The following B4GALNT2 variants were observed in gnomAD, a reference collection of about 807,000 sequenced individuals.
The protein encoded by B4GALNT2 is beta-1,4-N-acetyl-galactosaminyltransferase 2 (SID blood group).
In B4GALNT2, 42 loss-of-function variants were observed where a neutral mutation model predicts 51.1. The observed-to-expected ratio is 0.82, with a 90% CI of 0.64 to 1.06. B4GALNT2 has a LOEUF of 1.06. B4GALNT2 is among the 50% of genes least tolerant of loss of function. B4GALNT2 has a pLI of 0.00. For missense variants in B4GALNT2, 602 were observed against 633.6 expected (o/e 0.95, Z 0.54); for synonymous variants, 253 against 251.7 (o/e 1.01, Z -0.05).
At chr17:49,164,956 C>T (rs2042897882) in intron 8 of B4GALNT2, among the ~76,000 whole-genome samples, 1 of 152,056 alleles carries the variant, frequency 6.6e-6, no homozygotes, top group East Asian at 1.9e-4. Flanking sequence ...GGACTACAGG[C>T]ATGCACCATA....
At chr17:49,141,208 A>G (rs933376184) in intron 1 of B4GALNT2, 39 bp from the exon 2 acceptor site, 2 of 1,580,654 alleles carry the variant, frequency 1.3e-6, no homozygotes. Flanking sequence ...AATCAAGAAA[A>G]AAGATTTTAA....
At chr17:49,126,067 G>A in the B4GALNT2 span, among the ~76,000 whole-genome samples, 1 of 152,112 alleles carries the variant, frequency 6.6e-6, no homozygotes. Context: ...AGGGGGGAAA[G>A]GTGGGGAAAA....
chr17:49,172,128 C>A lies in B4GALNT2; in HGVS notation c.*2400C>A. 3.3e-6 allele frequency: 1 copy of A among 304,868 alleles called. No individual in the cohort carries two copies. The highest frequency in any genetic ancestry group is 1.2e-4 in the South Asian group (1 of 8,630). 18.9% of individuals were successfully genotyped at this position (304,868 alleles called of 1,614,324 possible). ...CCCACTTTCCTCAGGTTTTCTTCCA[C>A]CATCTGTGACAGCTTCTTGATCTGT... On this transcript the variant is annotated 3_prime_UTR_variant, in exon 11 of 11. Coordinates refer to ENST00000393354, the MANE Select transcript of B4GALNT2 (RefSeq NM_001159387.2).
chr17:49,127,637 TA>T (rs796221801), upstream of B4GALNT2, among the ~76,000 whole-genome samples: 17 of 151,368 alleles, frequency 1.1e-4, no homozygotes, highest in East Asian at 1.9e-4. Context: ...TTATAAGATT[TA>T]AAAAAAAAAA....
chr17:49,132,465 C>A, upstream of B4GALNT2: 1 of 321,976 alleles, frequency 3.1e-6, no homozygotes, highest in Non-Finnish European at 5.6e-6. Flanking sequence ...GGGTCAAGGC[C>A]GCGAGGTTGG....
chr17:49,157,212 G>C (rs2042818740), intron 5 of B4GALNT2, among the ~76,000 whole-genome samples: 1 of 152,128 alleles, frequency 6.6e-6, no homozygotes, highest in South Asian at 2.1e-4. Context: ...CCAGTCTGGA[G>C]TGCAGTGCCG....
chr17:49,152,759 C>A, intron 3 of B4GALNT2, 41 bp from the exon 4 acceptor site: 1 of 1,395,554 alleles, frequency 7.2e-7, no homozygotes, highest in South Asian at 1.3e-5. Flanking sequence ...CAGGGACCAG[C>A]ATCAGGGCAG....
intron 5 of B4GALNT2, among the ~76,000 whole-genome samples, chr17:49,158,710 A>G (rs1370206777): frequency 6.6e-6 from 1 of 151,294 alleles, no homozygotes; most frequent in Non-Finnish European, 1.5e-5. Flanking sequence ...TAGAGAGAGG[A>G]AGAGGAGTTG....
intron 9 of B4GALNT2, among the ~76,000 whole-genome samples, chr17:49,168,159 C>T (rs956275482): frequency 6.6e-6 from 1 of 152,214 alleles, no homozygotes; most frequent in Non-Finnish European, 1.5e-5. Context: ...AATAGATGTA[C>T]TTGCTCATCT....
At chr17:49,151,753 A>AC (rs1190153730) in intron 3 of B4GALNT2, among the ~76,000 whole-genome samples, 1 of 152,118 alleles carries the variant, frequency 6.6e-6, no homozygotes, top group Non-Finnish European at 1.5e-5. Context: ...ACAAAAAAAA[A>AC]AAAAAAATCG....
the B4GALNT2 span, among the ~76,000 whole-genome samples, chr17:49,120,934 C>T: frequency 8.5e-5 from 13 of 152,272 alleles, no homozygotes; most frequent in Non-Finnish European, 1.6e-4. Context: ...ACTCCACACA[C>T]CTATTGCTTA....
intron 1 of B4GALNT2, among the ~76,000 whole-genome samples, chr17:49,136,465 A>G (rs1277285709): frequency 6.6e-6 from 1 of 151,746 alleles, no homozygotes; most frequent in African/African-American, 2.4e-5. Context: ...CAGTAATTTG[A>G]TTTTTTTAAA....
Position 49,173,834 on chromosome 17 carries a change from G to C in B4GALNT2, c.*4106G>C, listed in dbSNP as rs188913400. 2.7e-5 allele frequency: 4 copies of C among 149,886 alleles called. No homozygotes were observed. In the Admixed American group the frequency reaches 2.7e-4, roughly 10 times the overall value. The allele number at this position is 149,886 out of a possible 1,614,324, so 9.3% of individuals were successfully genotyped here. ...CGAGTTGAAAAAATTAGCAAATCTAGAGTCTTTTCTGGATCTATTATATTT... is the reference window on the plus strand; with the variant it reads ...CGAGTTGAAAAAATTAGCAAATCTACAGTCTTTTCTGGATCTATTATATTT... On this transcript the variant is annotated 3_prime_UTR_variant, in exon 11 of 11. Transcript: ENST00000393354.
At chr17:49,152,682 C>G (rs761331461) in intron 3 of B4GALNT2, 118 bp from the exon 4 acceptor site, 1 of 694,468 alleles carries the variant, frequency 1.4e-6, no homozygotes, top group African/African-American at 1.8e-5. Flanking sequence ...ACAGGGACAA[C>G]CCAATTTTGA....
At chr17:49,127,734 T>C (rs528811336), upstream of B4GALNT2, among the ~76,000 whole-genome samples, 1 of 152,230 alleles carries the variant, frequency 6.6e-6, no homozygotes, top group South Asian at 2.1e-4. Context: ...TAAACAAGCA[T>C]AGCTGGAAGA....
rs758548851 is a variant in B4GALNT2 at position 49,164,084 on chromosome 17, C to T, written c.767-4C>T. 1.4e-5 allele frequency: 22 copies of T among 1,613,362 alleles called. No individual in the cohort carries two copies. The highest frequency in any genetic ancestry group is 1.8e-5 in the Non-Finnish European group (21 of 1,179,512). On this transcript the variant is annotated splice_region_variant and splice_polypyrimidine_tract_variant and intron_variant, in intron 7 of 10. Transcript: ENST00000393354. ...AGCTCTGACACCCACTGTTTTCTGC[C>T]CAGAGAGGAAGCTCAGAAACCTGGT...
chr17:49,128,382 T>A (rs2042521110), upstream of B4GALNT2, among the ~76,000 whole-genome samples: 1 of 151,978 alleles, frequency 6.6e-6, no homozygotes, highest in Admixed American at 6.6e-5. Context: ...GGCAGAGGGT[T>A]CAGATGGGTG....
chr17:49,148,331 C>A, intron 3 of B4GALNT2: 2 of 361,346 alleles, frequency 5.5e-6, no homozygotes, highest in South Asian at 4.2e-5. Context: ...CAAAAGTCCT[C>A]TCCAATTTTA....
intron 5 of B4GALNT2, among the ~76,000 whole-genome samples, chr17:49,157,255 G>C (rs558639041): frequency 6.6e-6 from 1 of 151,986 alleles, no homozygotes; most frequent in Non-Finnish European, 1.5e-5. Context: ...TGACCTCCTG[G>C]GCTCAAGCAA....
Sources: allele counts gnomAD v4.1 joint callset (sites outside exome capture counted in the v4.1 genomes callset), GRCh38; gene constraint gnomAD v4.1.1; transcripts MANE v1.5; gene names NCBI Gene and HGNC (gene_info 2026-07-23, HGNC 2026-07-21).